AUTS2: variants seen among roughly 807,000 people sequenced by gnomAD.
AUTS2 encodes the protein activator of transcription and developmental regulator AUTS2.
In AUTS2, 17 loss-of-function variants were observed where a neutral mutation model predicts 112.4. That is an observed-to-expected ratio of 0.15 (90% CI 0.10 to 0.23). The LOEUF is 0.23. AUTS2 is among the 10% of genes least tolerant of loss of function. The probability of loss-of-function intolerance (pLI) is 1.00; values close to 1 mark genes in which losing one functional copy is unlikely to be tolerated. For missense variants in AUTS2, 1,510 were observed against 1,701.6 expected (o/e 0.89, Z 1.98); for synonymous variants, 751 against 702.7 (o/e 1.07, Z -1.09).
chr7:70,237,542 T>C (rs953955067), intron 4 of AUTS2, among the ~76,000 whole-genome samples: 4 of 152,224 alleles, frequency 2.6e-5, no homozygotes, highest in African/African-American at 9.6e-5. Flanking sequence ...TACCACTGTA[T>C]TGCTAAGCTT....
chr7:70,756,968 C>T (rs1490407683), intron 6 of AUTS2, among the ~76,000 whole-genome samples: 8 of 152,152 alleles, frequency 5.3e-5, no homozygotes, highest in African/African-American at 1.9e-4. Context: ...TTGCTGCGCA[C>T]GTTGCAGCAA....
intron 2 of AUTS2, among the ~76,000 whole-genome samples, chr7:70,105,324 A>G (rs879691553): frequency 6.6e-6 from 1 of 152,112 alleles, no homozygotes; most frequent in African/African-American, 2.4e-5. Context: ...GCAGTGGCCA[A>G]TCATAGCTCA....
intron 2 of AUTS2, among the ~76,000 whole-genome samples, chr7:70,011,189 G>A (rs759371045): frequency 2.6e-5 from 4 of 152,154 alleles, no homozygotes; most frequent in Non-Finnish European, 5.9e-5. Context: ...AGGTCACTCA[G>A]TCTTTTTTGC....
At chr7:70,769,542 G>A (rs556972334) in intron 10 of AUTS2, among the ~76,000 whole-genome samples, 171 of 152,262 alleles carry the variant, frequency 1.1e-3, no homozygotes, top group African/African-American at 2.6e-3. Flanking sequence ...AACATTAGCC[G>A]GGCGTGGTGG....
chr7:69,861,034 C>T (rs1012216702), intron 1 of AUTS2, among the ~76,000 whole-genome samples: 3 of 152,066 alleles, frequency 2.0e-5, no homozygotes, highest in African/African-American at 7.2e-5. Flanking sequence ...AAACAAAGCC[C>T]ACCTCACAGG....
rs141116792 is a variant in AUTS2, at chr7:70,434,353, G to T, written c.661-1399G>T. ...GGTACAGACTAGGGAGAAGGGAGTT[G>T]TGAATGGCTGTGGGGATCTAGCCAG... On this transcript the variant is annotated intron_variant, in intron 4 of 18. Coordinates refer to ENST00000342771, the MANE Select transcript of AUTS2 (RefSeq NM_015570.4). Among the ~76,000 whole-genome samples the T allele has an allele frequency of 3.3e-3, 497 of 152,308 alleles. 3 individuals carry two copies. Among genetic ancestry groups the T allele is most frequent in the African/African-American group, 0.011 (469 of 41,566 alleles).
intron 11 of AUTS2, 140 bp downstream of exon 11, chr7:70,771,784 C>T (rs1790363408): frequency 1.7e-6 from 1 of 581,500 alleles, no homozygotes; most frequent in Admixed American, 3.4e-5. Context: ...TTAGAGTGAG[C>T]CTATTTTTCT....
chr7:70,118,180 A>C lies in AUTS2; in HGVS notation c.571A>C (p.Ser191Arg). Reference protein sequence around the residue: ...SCRDSDSESASGESKGFHRSS... With the variant: ...SCRDSDSESARGESKGFHRSS... ...CAGGGACAGTGACAGTGAAAGTGCC[A>C]GTGGAGAATCCAAGGGCTTCCACCG... The change falls in exon 3 of 19, where the codon AGT becomes CGT. Residue 191 changes from serine (S) to arginine (R), a missense_variant. Ser to Arg is a moderately radical substitution (Grantham distance 110, BLOSUM62 -1). Coordinates refer to ENST00000342771, the MANE Select transcript of AUTS2 (RefSeq NM_015570.4). The C allele has an allele frequency of 6.2e-7, 1 of 1,611,668 alleles. No individual in the cohort carries two copies. Among genetic ancestry groups the C allele is most frequent in the Non-Finnish European group, 8.5e-7 (1 of 1,179,194 alleles).
At position 70,009,840 on chromosome 7, in the gene AUTS2, A is replaced by C. The variant is rs554518927; in HGVS notation, c.523-108292A>C. ...ACTAGCCTCTGGCTTAGCTCTAGTG[A>C]GACCTAAAATAATACTCTTTTGGTT... On this transcript the variant is annotated intron_variant, in intron 2 of 18. Transcript: ENST00000342771. 3.9e-5 allele frequency among the ~76,000 whole-genome samples: 6 copies of C among 152,304 alleles called. No homozygotes were observed. In the East Asian group the frequency reaches 1.2e-3, roughly 29 times the overall value.
At chr7:70,107,034 T>C (rs972919217) in intron 2 of AUTS2, among the ~76,000 whole-genome samples, 4 of 152,184 alleles carry the variant, frequency 2.6e-5, no homozygotes, top group African/African-American at 9.6e-5. Context: ...CTATTAACTT[T>C]TCTTGGTAGT....
chr7:70,277,586 A>G (rs1372309041), intron 4 of AUTS2, among the ~76,000 whole-genome samples: 1 of 152,204 alleles, frequency 6.6e-6, no homozygotes, highest in Non-Finnish European at 1.5e-5. Context: ...GAGGCATGCA[A>G]GAGTGCTTTA....
intron 1 of AUTS2, among the ~76,000 whole-genome samples, chr7:69,619,285 G>A (rs774426671): frequency 2.6e-5 from 4 of 152,190 alleles, no homozygotes; most frequent in Non-Finnish European, 5.9e-5. Flanking sequence ...AACTTAGAGA[G>A]TAGGAGTGAG....
intron 5 of AUTS2, among the ~76,000 whole-genome samples, chr7:70,547,997 C>T (rs1015863047): frequency 2.0e-5 from 3 of 152,164 alleles, no homozygotes; most frequent in African/African-American, 7.2e-5. Flanking sequence ...AGTGGTATCT[C>T]ATTATGGTTG....
chr7:69,793,641 C>T lies in AUTS2; in HGVS notation c.310-105645C>T, dbSNP rs150410989. ...AGGCTCTCACCTTGGCTGTGCTTTACAATCACCTGAGAGAATTTTGAAAAA... is the reference window on the plus strand; with the variant it reads ...AGGCTCTCACCTTGGCTGTGCTTTATAATCACCTGAGAGAATTTTGAAAAA... On this transcript the variant is annotated intron_variant, in intron 1 of 18. Transcript: ENST00000342771. 8.0e-3 allele frequency among the ~76,000 whole-genome samples: 1,211 copies of T among 152,250 alleles called. 13 individuals carry two copies. The highest frequency in any genetic ancestry group is 0.014 in the Middle Eastern group (4 of 294).
intron 4 of AUTS2, among the ~76,000 whole-genome samples, chr7:70,421,775 T>C (rs1795226348): frequency 6.6e-6 from 1 of 152,222 alleles, no homozygotes; most frequent in Non-Finnish European, 1.5e-5. Flanking sequence ...AATTCAATTA[T>C]TGTAATTGCA....
intron 4 of AUTS2, among the ~76,000 whole-genome samples, chr7:70,405,783 T>C (rs145874358): frequency 8.7e-4 from 132 of 152,352 alleles, no homozygotes; most frequent in Non-Finnish European, 1.5e-3. Flanking sequence ...CCGTGCCACA[T>C]ACCCTTGCAA....
At chr7:70,192,857 C>CG (rs1809975642) in intron 4 of AUTS2, among the ~76,000 whole-genome samples, 1 of 151,974 alleles carries the variant, frequency 6.6e-6, no homozygotes, top group Admixed American at 6.6e-5. Context: ...ATGACATGGA[C>CG]GGGGGGAGTC....
intron 5 of AUTS2, among the ~76,000 whole-genome samples, chr7:70,500,619 C>T (rs562313400): frequency 7.2e-5 from 11 of 152,300 alleles, no homozygotes; most frequent in African/African-American, 1.4e-4. Context: ...TGTTCTACCA[C>T]GCCTTTCATT....
At chr7:70,264,808 T>A (rs1787339492) in intron 4 of AUTS2, among the ~76,000 whole-genome samples, 1 of 152,226 alleles carries the variant, frequency 6.6e-6, no homozygotes, top group Admixed American at 6.5e-5. Flanking sequence ...GACACAGGTC[T>A]CTGCATTGCA....
Sources: allele counts gnomAD v4.1 joint callset (sites outside exome capture counted in the v4.1 genomes callset), GRCh38; gene constraint gnomAD v4.1.1; transcripts MANE v1.5; gene names NCBI Gene and HGNC (gene_info 2026-07-23, HGNC 2026-07-21).